The following SYNJ2 variants were observed in gnomAD, a reference collection of about 807,000 sequenced individuals.
The protein encoded by SYNJ2 is polyphosphatidylinositol phosphatase SYNJ2.
SYNJ2 carries 116 observed loss-of-function variants against 141.3 expected under a neutral mutation model. The observed-to-expected ratio is 0.82, with a 90% CI of 0.71 to 0.96. The LOEUF (loss-of-function observed/expected upper bound fraction) is 0.96. Ranked by LOEUF, SYNJ2 falls within the 40% of genes least tolerant of loss-of-function variation. SYNJ2 has a pLI of 0.00. For synonymous variants in SYNJ2, 745 were observed against 777.7 expected, an observed-to-expected ratio of 0.96 and a Z score of 0.70; for missense variants, 1,873 against 1,934.8, an observed-to-expected ratio of 0.97 and a Z score of 0.60.
Position 158,066,345 on chromosome 6 carries a change from T to G in SYNJ2, c.1526-99T>G, listed in dbSNP as rs1315429223. ...ACCCTGGTTTATCTCTAGAGGCTCATGAACCATCTGTCTCTGCCAGGCAGC... is the reference window on the plus strand; with the variant it reads ...ACCCTGGTTTATCTCTAGAGGCTCAGGAACCATCTGTCTCTGCCAGGCAGC... On this transcript the variant is annotated intron_variant, in intron 11 of 26. Transcript: ENST00000355585. The G allele has an allele frequency of 2.2e-6, 3 of 1,388,494 alleles. 1 individual carries two copies. In the East Asian group the frequency reaches 6.9e-5, roughly 32 times the overall value. The allele number at this position is 1,388,494 out of a possible 1,614,324, so 86.0% of individuals were successfully genotyped here.
intron 22 of SYNJ2, among the ~76,000 whole-genome samples, chr6:158,085,405 T>C (rs1454823866): frequency 6.6e-6 from 1 of 152,142 alleles, no homozygotes; most frequent in Non-Finnish European, 1.5e-5. Flanking sequence ...GTCAGCTACA[T>C]TGATGCTGTT....
chr6:158,032,001 T>C (rs894260085), intron 3 of SYNJ2, among the ~76,000 whole-genome samples: 4 of 152,244 alleles, frequency 2.6e-5, no homozygotes, highest in African/African-American at 4.8e-5. Flanking sequence ...AGCTGGCTTA[T>C]CATCTGAATT....
intron 5 of SYNJ2, among the ~76,000 whole-genome samples, chr6:158,047,797 A>AAAAAAC (rs1374992872): frequency 3.3e-5 from 5 of 149,402 alleles, no homozygotes; most frequent in Non-Finnish European, 7.4e-5. Context: ...AAAAAAAAAA[A>AAAAAAC]AAAAAAAACA....
intron 2 of SYNJ2, among the ~76,000 whole-genome samples, chr6:158,025,690 C>T (rs1045045246): frequency 2.6e-5 from 4 of 151,258 alleles, no homozygotes; most frequent in Non-Finnish European, 2.9e-5. Context: ...TGGTGGCTCA[C>T]GCCTGTAATC....
chr6:157,999,963 C>G (rs1777774969), intron 1 of SYNJ2, among the ~76,000 whole-genome samples: 1 of 149,104 alleles, frequency 6.7e-6, no homozygotes, highest in Non-Finnish European at 1.5e-5. Flanking sequence ...GCACACAGCA[C>G]AACAGCTTAT....
chr6:158,079,990 T>G (rs1274445169), intron 18 of SYNJ2, among the ~76,000 whole-genome samples: 1 of 152,214 alleles, frequency 6.6e-6, no homozygotes, highest in Admixed American at 6.5e-5. Context: ...TCAATCAGGC[T>G]GTGTAATTTT....
At chr6:158,081,580 TTCC>T (rs1782684800) in intron 20 of SYNJ2, 70 bp downstream of exon 20, 3 of 1,068,474 alleles carry the variant, frequency 2.8e-6, no homozygotes, top group Non-Finnish European at 4.3e-6. Flanking sequence ...GCATGTCTTC[TTCC>T]TCCTCTTGCC....
Position 157,997,338 on chromosome 6 carries a change from G to A in SYNJ2, c.127+15250G>A, listed in dbSNP as rs11970732. On this transcript the variant is annotated intron_variant, in intron 1 of 26. Transcript: ENST00000355585. ...TGAAGATGTAAGTTAAGATGGGATCGTACTGGTATAGGGTGGGCCTTTAAT... is the reference window on the plus strand; with the variant it reads ...TGAAGATGTAAGTTAAGATGGGATCATACTGGTATAGGGTGGGCCTTTAAT... 2.1e-3 allele frequency among the ~76,000 whole-genome samples: 325 copies of A among 152,268 alleles called. 2 individuals carry two copies. The highest frequency in any genetic ancestry group is 7.5e-3 in the African/African-American group (311 of 41,540).
intron 5 of SYNJ2, among the ~76,000 whole-genome samples, chr6:158,050,098 C>T (rs1354191735): frequency 6.6e-6 from 1 of 152,224 alleles, no homozygotes; most frequent in East Asian, 1.9e-4. Flanking sequence ...GCACATGGCC[C>T]CTGGAGCTGT....
Position 158,064,779 on chromosome 6 carries a change from G to A in SYNJ2, c.1359+29G>A, listed in dbSNP as rs766733723. The A allele has an allele frequency of 2.5e-6, 4 of 1,611,898 alleles. No homozygotes were observed. In the East Asian group the frequency reaches 6.7e-5, roughly 27 times the overall value. ...GGGCCCCGCCGAGGGGGCAGGGTGG[G>A]GGCCCCAGGGACCCCCCTCACGGCC... On this transcript the variant is annotated intron_variant, in intron 10 of 26. Transcript: ENST00000355585.
intron 5 of SYNJ2, among the ~76,000 whole-genome samples, chr6:158,053,542 A>G (rs1456045835): frequency 1.3e-5 from 2 of 151,514 alleles, no homozygotes; most frequent in Admixed American, 1.3e-4. Flanking sequence ...TGATTCACCC[A>G]TCTGTCACCC....
chr6:158,051,663 C>G (rs550838216), intron 5 of SYNJ2, among the ~76,000 whole-genome samples: 1 of 151,814 alleles, frequency 6.6e-6, no homozygotes, highest in Non-Finnish European at 1.5e-5. Context: ...TAAAAAAAAC[C>G]TGGCTGGGCA....
intron 4 of SYNJ2, among the ~76,000 whole-genome samples, chr6:158,034,762 A>G (rs904486742): frequency 2.0e-5 from 3 of 152,166 alleles, no homozygotes; most frequent in Non-Finnish European, 4.4e-5. Flanking sequence ...GACTGTTCCT[A>G]TGTCTAGAAT....
chr6:158,056,297 A>T (rs1780865095), intron 6 of SYNJ2, among the ~76,000 whole-genome samples: 1 of 152,016 alleles, frequency 6.6e-6, no homozygotes, highest in African/African-American at 2.4e-5. Context: ...AGAGAATGAG[A>T]CCTCTCTCTC....
At chr6:158,072,589 C>A (rs1478246144) in intron 15 of SYNJ2, among the ~76,000 whole-genome samples, 1 of 152,110 alleles carries the variant, frequency 6.6e-6, no homozygotes, top group Non-Finnish European at 1.5e-5. Context: ...AAACTGACGT[C>A]CCATTTTACT....
Position 158,027,423 on chromosome 6 carries a change from C to T in SYNJ2, c.215-1333C>T, listed in dbSNP as rs532597713. On this transcript the variant is annotated intron_variant, in intron 2 of 26. Transcript: ENST00000355585. The surrounding 1 kb of genome is among the most constrained non-coding windows in gnomAD (Gnocchi z 4.6). The stretch of plus-strand genomic sequence containing the variant: ...GCCCCGTCCCGAGAGTGAGGCACGG[C>T]GCCACCAGGCACCCCCGATACGCAG... 1.9e-4 allele frequency: 30 copies of T among 162,104 alleles called. No individual in the cohort carries two copies. The East Asian group carries it at 2.3e-3, about 12-fold the overall frequency. 10.0% of individuals were successfully genotyped at this position (162,104 alleles called of 1,614,324 possible). A position where few individuals can be genotyped will look rare whatever the true frequency, so the allele number is the denominator to read the frequency against.
intron 11 of SYNJ2, 26 bp from the exon 12 acceptor site, chr6:158,066,418 A>G (rs748256149): frequency 1.2e-6 from 2 of 1,613,088 alleles, no homozygotes; most frequent in South Asian, 1.1e-5. Context: ...CTGCAAAGAA[A>G]TGTGCCTTTT....
At chr6:158,023,115 A>T (rs1246683137) in intron 2 of SYNJ2, among the ~76,000 whole-genome samples, 1 of 152,106 alleles carries the variant, frequency 6.6e-6, no homozygotes, top group Non-Finnish European at 1.5e-5. Flanking sequence ...GCACCATGCC[A>T]GGAGCGGTGG....
chr6:158,049,192 T>C (rs1780420030), intron 5 of SYNJ2, among the ~76,000 whole-genome samples: 1 of 152,142 alleles, frequency 6.6e-6, no homozygotes, highest in Non-Finnish European at 1.5e-5. Flanking sequence ...ATTGAACTAA[T>C]GACTTTAGGG....
Sources: gnomAD v4.1 joint callset for allele counts (sites outside exome capture counted in the v4.1 genomes callset) on GRCh38, gnomAD v4.1.1 for gene constraint, Gnocchi (gnomAD v3.1) non-coding constraint, MANE v1.5 for transcripts, NCBI Gene and HGNC (gene_info 2026-07-23, HGNC 2026-07-21) for gene names.